Variants in FHIT observed in about 807,000 individuals in gnomAD.
The protein encoded by FHIT is fragile histidine triad diadenosine triphosphatase, also known as bis(5'-adenosyl)-triphosphatase.
Under a neutral mutation model 17.9 loss-of-function variants are expected in FHIT, and 19 were observed. The ratio of observed to expected loss-of-function variants is 1.06; its 90% confidence interval spans 0.74 to 1.56. The LOEUF (loss-of-function observed/expected upper bound fraction) is 1.56, where lower values mean the gene tolerates loss of function less well. Ranked by LOEUF, FHIT falls within the 40% of genes most tolerant of loss-of-function variation. The pLI is 0.00. For synonymous variants in FHIT, 81 were observed against 69.7 expected, an observed-to-expected ratio of 1.16 and a Z score of -0.81; for missense variants, 248 against 189.2, an observed-to-expected ratio of 1.31 and a Z score of -1.82.
chr3:60,877,290 G>T (rs1658364404), intron 3 of FHIT, among the ~76,000 whole-genome samples: 1 of 152,160 alleles, frequency 6.6e-6, no homozygotes, highest in Non-Finnish European at 1.5e-5. Context: ...CCAAACCAGT[G>T]GCCACAGCCA....
At chr3:59,999,734 A>C (rs1372725597) in intron 7 of FHIT, among the ~76,000 whole-genome samples, 2 of 151,976 alleles carry the variant, frequency 1.3e-5, no homozygotes, top group South Asian at 4.1e-4. Flanking sequence ...CAGCCTCCCA[A>C]GTAGCTGGGA....
intron 5 of FHIT, among the ~76,000 whole-genome samples, chr3:60,350,883 T>C (rs988993343): frequency 8.5e-5 from 13 of 152,212 alleles, no homozygotes; most frequent in African/African-American, 3.1e-4. Flanking sequence ...TAAAACTCCA[T>C]CTTGCTAGCA....
chr3:60,954,279 T>C lies in FHIT; in HGVS notation c.-111+87768A>G, dbSNP rs115476490. Among the ~76,000 whole-genome samples the C allele has an allele frequency of 3.4e-3, 514 of 152,376 alleles. 2 individuals carry two copies. Among genetic ancestry groups the C allele is most frequent in the African/African-American group, 0.012 (483 of 41,592 alleles). On this transcript the variant is annotated intron_variant, in intron 3 of 9. Coordinates refer to ENST00000492590, the MANE Select transcript of FHIT (RefSeq NM_002012.4). Reference sequence around the variant, plus strand: ...ATATACTATCATATGCATGAATGTATATCAGTGGTATTTACACTTGGCAGC... The same window carrying C: ...ATATACTATCATATGCATGAATGTACATCAGTGGTATTTACACTTGGCAGC...
At chr3:60,014,810 C>T (rs3845970) in intron 5 of FHIT, among the ~76,000 whole-genome samples, 16 of 151,786 alleles carry the variant, frequency 1.1e-4, no homozygotes, top group South Asian at 6.2e-4. Flanking sequence ...AAATCATGAA[C>T]GAAAGGTTGT....
chr3:60,318,436 T>A (rs1709267836), intron 5 of FHIT, among the ~76,000 whole-genome samples: 1 of 152,090 alleles, frequency 6.6e-6, no homozygotes, highest in African/African-American at 2.4e-5. Flanking sequence ...AAAAAATAAA[T>A]GTTCCTTCAC....
chr3:60,397,532 A>G (rs187698971), intron 5 of FHIT, among the ~76,000 whole-genome samples: 19 of 152,304 alleles, frequency 1.2e-4, no homozygotes, highest in Admixed American at 9.8e-4. Flanking sequence ...TGGACTTGCC[A>G]TGAGACAGCA....
At chr3:59,882,072 G>A (rs1703431754) in intron 8 of FHIT, among the ~76,000 whole-genome samples, 1 of 152,008 alleles carries the variant, frequency 6.6e-6, no homozygotes, top group Non-Finnish European at 1.5e-5. Context: ...TTTTAAATAT[G>A]AGGTGTTTAC....
At chr3:59,852,459 G>T (rs927701298) in intron 8 of FHIT, among the ~76,000 whole-genome samples, 1 of 152,088 alleles carries the variant, frequency 6.6e-6, no homozygotes, top group Non-Finnish European at 1.5e-5. Context: ...CACATATGTT[G>T]CCTCCCATAT....
At chr3:60,109,065 T>C (rs934623645) in intron 5 of FHIT, among the ~76,000 whole-genome samples, 2 of 152,118 alleles carry the variant, frequency 1.3e-5, no homozygotes, top group Non-Finnish European at 1.5e-5. Flanking sequence ...AACTGGGAGC[T>C]TCCTAACTAA....
chr3:60,162,999 A>G (rs931988622), intron 5 of FHIT, among the ~76,000 whole-genome samples: 1 of 152,200 alleles, frequency 6.6e-6, no homozygotes, highest in Non-Finnish European at 1.5e-5. Context: ...AGAACTTTAA[A>G]AAATTCTAAC....
chr3:60,237,608 C>T (rs1704873970), intron 5 of FHIT, among the ~76,000 whole-genome samples: 2 of 152,080 alleles, frequency 1.3e-5, no homozygotes, highest in African/African-American at 4.8e-5. Context: ...GCAGGCCACC[C>T]AAGATCACAA....
intron 8 of FHIT, among the ~76,000 whole-genome samples, chr3:59,771,917 G>A (rs1017835734): frequency 6.6e-6 from 1 of 152,108 alleles, no homozygotes; most frequent in Admixed American, 6.5e-5. Context: ...CACTTTACTT[G>A]AAATTTCTAG....
chr3:60,842,647 T>TATATATATATATATATA (rs1406123749), intron 3 of FHIT, among the ~76,000 whole-genome samples: 45 of 92,458 alleles, frequency 4.9e-4, no homozygotes, highest in African/African-American at 2.0e-3. Flanking sequence ...ATATATATAT[T>TATATATATATATATATA]TTTTTTTTTT....
At chr3:59,969,538 T>A (rs1708082823) in intron 7 of FHIT, among the ~76,000 whole-genome samples, 1 of 152,102 alleles carries the variant, frequency 6.6e-6, no homozygotes, top group Non-Finnish European at 1.5e-5. Flanking sequence ...GTTCCCCAAA[T>A]TTGGCTCTGG....
At position 60,029,903 on chromosome 3, in the gene FHIT, G is replaced by GTGTGTC. The variant is rs1295997617; in HGVS notation, c.104-15752_104-15751insGACACA. Among the ~76,000 whole-genome samples the GTGTGTC allele has an allele frequency of 6.1e-4, 89 of 145,910 alleles. No individual in the cohort carries two copies. The South Asian group carries it at 6.5e-3, about 11-fold the overall frequency. On this transcript the variant is annotated intron_variant, in intron 5 of 9. Coordinates refer to ENST00000492590, the MANE Select transcript of FHIT (RefSeq NM_002012.4). ...ATTGTGTGTGTGTGTGTGTCTGTGT[G>GTGTGTC]TGTGTGTGTGTGTGTGTGTGTGTGT...
intron 1 of FHIT, among the ~76,000 whole-genome samples, chr3:61,205,147 G>A (rs1465929417): frequency 6.6e-5 from 10 of 150,544 alleles, no homozygotes; most frequent in South Asian, 2.1e-4. Flanking sequence ...CAAAGGACAT[G>A]AACTCATCAT....
At chr3:60,978,100 T>C (rs186608295) in intron 3 of FHIT, among the ~76,000 whole-genome samples, 2 of 152,356 alleles carry the variant, frequency 1.3e-5, no homozygotes, top group African/African-American at 4.8e-5. Context: ...CTGACTCCTG[T>C]TGTTTATGAT....
intron 2 of FHIT, among the ~76,000 whole-genome samples, chr3:61,197,239 C>A (rs2038877921): frequency 6.6e-6 from 1 of 152,168 alleles, no homozygotes; most frequent in South Asian, 2.1e-4. Flanking sequence ...TTCATGTGAT[C>A]CTCAAAACAG....
intron 3 of FHIT, among the ~76,000 whole-genome samples, chr3:60,847,050 C>T (rs1553746758): frequency 6.6e-6 from 1 of 152,154 alleles, no homozygotes; most frequent in East Asian, 1.9e-4. Flanking sequence ...TCTTGAACTC[C>T]TGACCTCAGG....
Sources: allele counts gnomAD v4.1 joint callset (sites outside exome capture counted in the v4.1 genomes callset), GRCh38; gene constraint gnomAD v4.1.1; transcripts MANE v1.5; gene names NCBI Gene and HGNC (gene_info 2026-07-23, HGNC 2026-07-21).